PROM1: variants seen among roughly 807,000 people sequenced by gnomAD.
PROM1 encodes prominin 1, also known as prominin-1.
PROM1 carries 105 observed loss-of-function variants against 116.9 expected under a neutral mutation model. The observed-to-expected ratio is 0.90, with a 90% CI of 0.77 to 1.06. The LOEUF (loss-of-function observed/expected upper bound fraction) is 1.06, where lower values mean the gene tolerates loss of function less well. PROM1 is among the 50% of genes least tolerant of loss of function. The probability of loss-of-function intolerance (pLI) is 0.00; values close to 1 mark genes in which losing one functional copy is unlikely to be tolerated. For synonymous variants in PROM1, 393 were observed against 387.0 expected, an observed-to-expected ratio of 1.02 and a Z score of -0.18; for missense variants, 1,122 against 1,045.2, an observed-to-expected ratio of 1.07 and a Z score of -1.01.
At position 16,006,589 on chromosome 4, in the gene PROM1, G is replaced by T. The variant is rs1052124932; in HGVS notation, c.1403C>A (p.Thr468Asn). Residue 468 changes from threonine (T) to asparagine (N), a missense_variant, in exon 13 of 28, where the codon ACC becomes AAC. Thr to Asn is a moderately conservative substitution (Grantham distance 65). Transcript: ENST00000447510. ...GGAGACACAGCCTCGGGTGGTCGGG[G>T]TGGCATGCCTGTCATAGCCGCACAC... ...CGVCGYDRHA[T>N]PTTRGCVSNT... 1.9e-6 allele frequency: 3 copies of T among 1,606,124 alleles called. No individual in the cohort carries two copies. Among genetic ancestry groups the T allele is most frequent in the Middle Eastern group, 1.7e-4 (1 of 6,000 alleles).
intron 8 of PROM1, among the ~76,000 whole-genome samples, chr4:16,019,993 C>T (rs1190354336): frequency 9.9e-5 from 15 of 152,218 alleles, no homozygotes; most frequent in Admixed American, 9.8e-4. Context: ...CTGGCAAACT[C>T]TCACTTCTCA....
At chr4:16,019,961 C>T (rs992542099) in intron 8 of PROM1, among the ~76,000 whole-genome samples, 18 of 152,144 alleles carry the variant, frequency 1.2e-4, no homozygotes, top group African/African-American at 4.1e-4. Context: ...CCCAGTTCTG[C>T]TTCTACCCTG....
chr4:16,011,475 G>A (rs1051278827), intron 11 of PROM1, among the ~76,000 whole-genome samples: 6 of 152,202 alleles, frequency 3.9e-5, no homozygotes, highest in African/African-American at 1.4e-4. Flanking sequence ...CTGACAGAGC[G>A]GCACTGGCCC....
At chr4:16,045,878 T>C (rs1248929709) in intron 2 of PROM1, among the ~76,000 whole-genome samples, 1 of 152,210 alleles carries the variant, frequency 6.6e-6, no homozygotes, top group Non-Finnish European at 1.5e-5. Context: ...TCATTCATGG[T>C]CTACAAAGCT....
intron 26 of PROM1, 46 bp downstream of exon 26, chr4:15,979,349 G>C: frequency 2.5e-6 from 4 of 1,612,874 alleles, no homozygotes; most frequent in Non-Finnish European, 3.4e-6. Flanking sequence ...TAGGAGATGA[G>C]ACGGTTTATC....
chr4:16,029,360 G>GT (rs34482141), intron 5 of PROM1, among the ~76,000 whole-genome samples: 82,028 of 149,720 alleles, frequency 0.55, 22,874 homozygotes, highest in Non-Finnish European at 0.6. Context: ...TCAAGTCATG[G>GT]TTTTTTTTTT....
At chr4:15,987,795 A>G in intron 19 of PROM1, 79 bp from the exon 20 acceptor site, 3 of 1,173,396 alleles carry the variant, frequency 2.6e-6, no homozygotes, top group Non-Finnish European at 3.8e-6. Flanking sequence ...CCCTTCCCAC[A>G]AGATAGCCAT....
At chr4:16,037,708 A>G (rs541078160) in intron 3 of PROM1, among the ~76,000 whole-genome samples, 1 of 152,282 alleles carries the variant, frequency 6.6e-6, no homozygotes, top group African/African-American at 2.4e-5. Flanking sequence ...AGGACTGAGA[A>G]CCTGGCCAAC....
chr4:16,018,198 A>T, intron 9 of PROM1, 125 bp downstream of exon 9: 1 of 839,054 alleles, frequency 1.2e-6, no homozygotes, highest in Non-Finnish European at 1.9e-6. Flanking sequence ...GAAGGCTGAT[A>T]GAGGCCAGGG....
intron 1 of PROM1, among the ~76,000 whole-genome samples, chr4:16,080,386 G>A (rs534434630): frequency 9.2e-4 from 140 of 152,056 alleles, no homozygotes; most frequent in Non-Finnish European, 1.3e-3. Context: ...GCCAGGTGTG[G>A]TGGTGCACAC....
At chr4:15,975,333 C>A (rs1218154151) in intron 26 of PROM1, among the ~76,000 whole-genome samples, 1 of 152,184 alleles carries the variant, frequency 6.6e-6, no homozygotes, top group African/African-American at 2.4e-5. Context: ...GATTCTCCTG[C>A]CTCAGCCTCC....
intron 19 of PROM1, among the ~76,000 whole-genome samples, chr4:15,988,988 C>T (rs1720230198): frequency 6.6e-6 from 1 of 152,152 alleles, no homozygotes. Flanking sequence ...CCAGTTTCCA[C>T]ACACTTCTCT....
intron 23 of PROM1, among the ~76,000 whole-genome samples, chr4:15,983,822 G>A (rs1230804500): frequency 6.6e-6 from 1 of 152,202 alleles, no homozygotes; most frequent in African/African-American, 2.4e-5. Flanking sequence ...GTCAGCATCT[G>A]TTGAGGAGGG....
chr4:15,999,353 T>C (rs1194748671), intron 14 of PROM1, among the ~76,000 whole-genome samples: 1 of 151,590 alleles, frequency 6.6e-6, no homozygotes, highest in East Asian at 2.0e-4. Flanking sequence ...CACCTGTAGT[T>C]CCAGCTACTC....
chr4:16,055,352 C>T (rs1263927318), intron 2 of PROM1: 1 of 455,752 alleles, frequency 2.2e-6, no homozygotes, highest in African/African-American at 2.0e-5. Flanking sequence ...CAAAAATTCC[C>T]CTTGTCCTCT....
rs1166370218 is a variant in PROM1, at chr4:15,991,164, G to C, written c.1983+58C>G. On this transcript the variant is annotated intron_variant, in intron 18 of 27. Transcript: ENST00000447510. Reference sequence around the variant, plus strand: ...CTCTCCAGCAGCTTCCCTAAGAATGGTACTGACATTTGACATCTACAACTA... The same window carrying C: ...CTCTCCAGCAGCTTCCCTAAGAATGCTACTGACATTTGACATCTACAACTA... 3 of 1,410,750 alleles carry C rather than the reference G, an allele frequency of 2.1e-6. No homozygotes were observed. In the African/African-American group the frequency reaches 4.3e-5, roughly 20 times the overall value. 87.4% of individuals were successfully genotyped at this position (1,410,750 alleles called of 1,614,324 possible).
intron 19 of PROM1, among the ~76,000 whole-genome samples, chr4:15,988,343 G>C (rs1199550024): frequency 6.6e-6 from 1 of 152,174 alleles, no homozygotes; most frequent in Non-Finnish European, 1.5e-5. Context: ...AGCCTGCCCC[G>C]CAAGAGTGGT....
chr4:16,068,898 A>T (rs1261047096), intron 2 of PROM1, among the ~76,000 whole-genome samples: 1 of 152,126 alleles, frequency 6.6e-6, no homozygotes, highest in African/African-American at 2.4e-5. Flanking sequence ...AATCACCTAA[A>T]ATATTTTTAC....
chr4:16,064,584 A>G (rs1741088189), intron 2 of PROM1, among the ~76,000 whole-genome samples: 1 of 152,236 alleles, frequency 6.6e-6, no homozygotes, highest in South Asian at 2.1e-4. Flanking sequence ...TTCTGTATGC[A>G]TATTATACTT....
Sources: allele counts gnomAD v4.1 joint callset (sites outside exome capture counted in the v4.1 genomes callset), GRCh38; gene constraint gnomAD v4.1.1; transcripts MANE v1.5; gene names NCBI Gene and HGNC (gene_info 2026-07-23, HGNC 2026-07-21).